The following NRG3 variants were observed in gnomAD, a reference collection of about 807,000 sequenced individuals.
NRG3 encodes neuregulin 3.
In NRG3, 31 loss-of-function variants were observed where a neutral mutation model predicts 66.9. The observed-to-expected ratio is 0.46, with a 90% CI of 0.35 to 0.63. The LOEUF (loss-of-function observed/expected upper bound fraction) is 0.63. Among genes scored for constraint, NRG3 ranks in the 20% least tolerant of loss-of-function variants. NRG3 has a pLI of 0.00. For synonymous variants in NRG3, 393 were observed against 359.4 expected (o/e 1.09, Z -1.06); for missense variants, 910 against 878.9 (o/e 1.04, Z -0.45).
chr10:82,590,108 G>C (rs1257353806), intron 2 of NRG3, among the ~76,000 whole-genome samples: 1 of 152,156 alleles, frequency 6.6e-6, no homozygotes, highest in Non-Finnish European at 1.5e-5. Flanking sequence ...TCTACCATCT[G>C]ATTGAATTTG....
intron 1 of NRG3, among the ~76,000 whole-genome samples, chr10:82,157,423 T>A (rs889268887): frequency 1.3e-5 from 2 of 151,778 alleles, no homozygotes; most frequent in Non-Finnish European, 3.0e-5. Context: ...AAGAAGATAA[T>A]CATTACCTGA....
chr10:82,365,043 G>A (rs769196357), intron 2 of NRG3, among the ~76,000 whole-genome samples: 6 of 152,108 alleles, frequency 3.9e-5, no homozygotes, highest in Non-Finnish European at 7.3e-5. Flanking sequence ...AGAATTGATT[G>A]GTCATTGCGT....
intron 2 of NRG3, among the ~76,000 whole-genome samples, chr10:82,624,820 T>C (rs2049298012): frequency 6.8e-6 from 1 of 147,760 alleles, no homozygotes; most frequent in South Asian, 2.1e-4. Flanking sequence ...GAATGTTTAA[T>C]AAATCCATGA....
intron 2 of NRG3, among the ~76,000 whole-genome samples, chr10:82,359,567 T>C (rs990087656): frequency 6.6e-6 from 1 of 152,154 alleles, no homozygotes; most frequent in African/African-American, 2.4e-5. Flanking sequence ...AGAGTGCACT[T>C]ATAGACACTG....
chr10:82,655,341 A>G (rs1159082913), intron 2 of NRG3, among the ~76,000 whole-genome samples: 1 of 152,182 alleles, frequency 6.6e-6, no homozygotes, highest in Non-Finnish European at 1.5e-5. Flanking sequence ...CTAAATTCAT[A>G]GAAATATACT....
At chr10:82,308,450 C>A (rs995204999) in intron 1 of NRG3, among the ~76,000 whole-genome samples, 2 of 151,996 alleles carry the variant, frequency 1.3e-5, no homozygotes, top group African/African-American at 4.8e-5. Flanking sequence ...CTTGTAATAT[C>A]CCGTATGGCT....
intron 1 of NRG3, among the ~76,000 whole-genome samples, chr10:81,938,101 C>G (rs1848054836): frequency 6.6e-6 from 1 of 151,980 alleles, no homozygotes; most frequent in Non-Finnish European, 1.5e-5. Context: ...CTCTGTATGT[C>G]TTTCTTTATG....
intron 3 of NRG3, among the ~76,000 whole-genome samples, chr10:82,827,937 A>T (rs2062317303): frequency 1.3e-5 from 2 of 152,130 alleles, no homozygotes. Context: ...GTTTTCTTTG[A>T]ACTTTTTTTA....
chr10:82,542,767 G>T (rs1235326898), intron 2 of NRG3, among the ~76,000 whole-genome samples: 2 of 152,160 alleles, frequency 1.3e-5, no homozygotes, highest in Non-Finnish European at 2.9e-5. Flanking sequence ...CCAAATTGAG[G>T]AAATACTATA....
At chr10:81,954,659 AT>A (rs1463803981) in intron 1 of NRG3, among the ~76,000 whole-genome samples, 1 of 152,144 alleles carries the variant, frequency 6.6e-6, no homozygotes, top group East Asian at 1.9e-4. Context: ...AAACATAAAA[AT>A]ATCTGCATTC....
At chr10:82,730,636 T>G (rs2057854051) in intron 2 of NRG3, among the ~76,000 whole-genome samples, 2 of 152,226 alleles carry the variant, frequency 1.3e-5, no homozygotes, top group African/African-American at 4.8e-5. Context: ...CTGTAGGTAA[T>G]TTTAATAACA....
chr10:82,293,196 A>G lies in NRG3; in HGVS notation c.824-65543A>G, dbSNP rs77163632. The stretch of plus-strand genomic sequence containing the variant: ...CCTCAGCCTCCGTCCCAGATGGTCT[A>G]CGTTGAGTTCAATTTTTTGTTAAGT... On this transcript the variant is annotated intron_variant, in intron 1 of 8. Coordinates refer to ENST00000372141, the MANE Select transcript of NRG3 (RefSeq NM_001010848.4). Among the ~76,000 whole-genome samples the G allele has an allele frequency of 3.9e-3, 591 of 152,268 alleles. 5 individuals are homozygous for G. Among genetic ancestry groups the G allele is most frequent in the Middle Eastern group, 0.017 (5 of 294 alleles).
chr10:82,970,771 T>G (rs1371252314), intron 6 of NRG3, among the ~76,000 whole-genome samples: 2 of 152,230 alleles, frequency 1.3e-5, no homozygotes, highest in Admixed American at 6.5e-5. Flanking sequence ...TGTTTTGTCC[T>G]GGTAACAAAT....
At chr10:82,024,326 A>T (rs1205831184) in intron 1 of NRG3, among the ~76,000 whole-genome samples, 3 of 151,610 alleles carry the variant, frequency 2.0e-5, no homozygotes, top group African/African-American at 7.3e-5. Context: ...TTATTTTTGT[A>T]TCCTTAATTT....
At chr10:82,563,604 ATACT>A (rs1251161635) in intron 2 of NRG3, among the ~76,000 whole-genome samples, 2 of 151,990 alleles carry the variant, frequency 1.3e-5, no homozygotes, top group East Asian at 3.9e-4. Flanking sequence ...AATATGTCAC[ATACT>A]TATATATGTG....
chr10:82,261,860 G>A (rs930377148), intron 1 of NRG3, among the ~76,000 whole-genome samples: 5 of 152,136 alleles, frequency 3.3e-5, no homozygotes, highest in African/African-American at 1.2e-4. Flanking sequence ...AACCTTCAGC[G>A]TGGGCATCAT....
chr10:82,154,561 T>G (rs2071043285), intron 1 of NRG3, among the ~76,000 whole-genome samples: 1 of 151,582 alleles, frequency 6.6e-6, no homozygotes, highest in Non-Finnish European at 1.5e-5. Flanking sequence ...GTTTTTTTTT[T>G]GTTTCATATA....
intron 2 of NRG3, among the ~76,000 whole-genome samples, chr10:82,564,340 T>G (rs1254712514): frequency 6.6e-6 from 1 of 152,178 alleles, no homozygotes; most frequent in Non-Finnish European, 1.5e-5. Flanking sequence ...CTGAATTGAT[T>G]AAAACTTCCA....
chr10:82,424,483 T>C (rs2089289478), intron 2 of NRG3, among the ~76,000 whole-genome samples: 1 of 152,094 alleles, frequency 6.6e-6, no homozygotes, highest in Non-Finnish European at 1.5e-5. Context: ...ATTTAAAAAT[T>C]GGGTGATTTG....
Sources: allele counts gnomAD v4.1 joint callset (sites outside exome capture counted in the v4.1 genomes callset), GRCh38; gene constraint gnomAD v4.1.1; transcripts MANE v1.5; gene names NCBI Gene and HGNC (gene_info 2026-07-23, HGNC 2026-07-21).